The following TGM2 variants were observed in gnomAD, a reference collection of about 807,000 sequenced individuals.
TGM2 encodes protein-glutamine gamma-glutamyltransferase 2.
A neutral mutation model predicts 75.6 loss-of-function variants in TGM2; 53 were observed. The ratio of observed to expected loss-of-function variants is 0.70; its 90% CI spans 0.56 to 0.88. The LOEUF is 0.88. TGM2 is among the 40% of genes least tolerant of loss of function. The pLI, the probability that TGM2 is intolerant of heterozygous loss-of-function variation, is 0.00. For synonymous variants in TGM2, 374 were observed against 381.1 expected, an observed-to-expected ratio of 0.98 and a Z score of 0.22; for missense variants, 842 against 928.5, an observed-to-expected ratio of 0.91 and a Z score of 1.21.
At chr20:38,157,774 G>A (rs1295087960) in intron 2 of TGM2, among the ~76,000 whole-genome samples, 1 of 152,222 alleles carries the variant, frequency 6.6e-6, no homozygotes, top group Non-Finnish European at 1.5e-5. Context: ...TCTGTTTAGA[G>A]GGTTCCGTGA....
intron 7 of TGM2, 54 bp downstream of exon 7, chr20:38,142,010 T>C: frequency 6.2e-7 from 1 of 1,610,928 alleles, no homozygotes; most frequent in Non-Finnish European, 8.5e-7. Context: ...CAAGGTTTCC[T>C]CTCCATGGGG....
At position 38,129,613 on chromosome 20, in the gene TGM2, A is replaced by T. The variant is rs1354824795; in HGVS notation, c.*606T>A. 6.5e-6 allele frequency: 1 copy of T among 153,142 alleles called. No individual in the cohort carries two copies. The highest frequency in any genetic ancestry group is 1.5e-5 in the Non-Finnish European group (1 of 68,716). The allele number at this position is 153,142 out of a possible 1,614,324, so 9.5% of individuals were successfully genotyped here. The stretch of plus-strand genomic sequence containing the variant: ...ATGGGTTGGAGGCCCCGTGAGCCCC[A>T]GCAAGTGTGGGAGGCACCCAGCACA... On this transcript the variant is annotated 3_prime_UTR_variant, in exon 13 of 13. Transcript: ENST00000361475.
chr20:38,139,558 G>T lies in TGM2; in HGVS notation c.1196C>A (p.Ala399Asp). 6.2e-7 allele frequency: 1 copy of T among 1,614,184 alleles called. No individual in the cohort carries two copies. Among genetic ancestry groups the T allele is most frequent in the Non-Finnish European group, 8.5e-7 (1 of 1,180,032 alleles). ...CTGCTGGATCCAGTCTACCACGTCG[G>T]CATTGACCTCCGCAAAGACAAAGGG... ...DAPFVFAEVN[A>D]DVVDWIQQDD... Residue 399 changes from alanine (A) to aspartate (D), a missense_variant, in exon 9 of 13, where the codon GCC (alanine) becomes GAC (aspartate). Transcript: ENST00000361475.
Position 38,161,426 on chromosome 20 carries a change from C to G in TGM2, c.184G>C (p.Val62Leu). 6.2e-7 allele frequency: 1 copy of G among 1,614,014 alleles called. No individual in the cohort carries two copies. Among genetic ancestry groups the G allele is most frequent in the Non-Finnish European group, 8.5e-7 (1 of 1,179,952 alleles). The change falls in exon 2 of 13, where the codon GTG (valine) becomes CTG (leucine). Residue 62 changes from valine to leucine, a missense_variant. By Grantham distance (32) the Val-to-Leu change is conservative. Coordinates refer to ENST00000361475, the MANE Select transcript of TGM2 (RefSeq NM_004613.4). ...TGGGGTTGCAGGTACTCACCGGTCA[C>G]GACACTGAAGGTGAGACTGTCTACA... ...ASVDSLTFSV[V>L]TGPAPSQEAG...
intron 2 of TGM2, among the ~76,000 whole-genome samples, chr20:38,160,995 G>A (rs1374693288): frequency 6.6e-6 from 1 of 152,134 alleles, no homozygotes; most frequent in Non-Finnish European, 1.5e-5. Context: ...ACTACAGACA[G>A]GGTTTCTCCA....
In TGM2 at chr20:38,161,726, G is replaced by A. The variant is rs142851666; in HGVS notation, c.11-127C>T. The A allele has an allele frequency of 1.8e-3, 2,096 of 1,138,352 alleles. 15 individuals carry two copies. In the Middle Eastern group the frequency reaches 0.032, roughly 18 times the overall value. 70.5% of individuals were successfully genotyped at this position (1,138,352 alleles called of 1,614,324 possible). On this transcript the variant is annotated intron_variant, in intron 1 of 12. Coordinates refer to ENST00000361475, the MANE Select transcript of TGM2 (RefSeq NM_004613.4). ...CCCCACAAAGCACAGCCATTGTTTC[G>A]ACTGACCTGTCTCCCCAGCCCTGGT...
chr20:38,131,031 C>CT, intron 12 of TGM2, 62 bp downstream of exon 12: 3 of 1,604,144 alleles, frequency 1.9e-6, no homozygotes, highest in Non-Finnish European at 2.5e-6. Flanking sequence ...AGGACAGTCT[C>CT]TACCCCCACC....
intron 6 of TGM2, among the ~76,000 whole-genome samples, chr20:38,144,907 G>A (rs1366954910): frequency 6.6e-6 from 1 of 152,204 alleles, no homozygotes; most frequent in Non-Finnish European, 1.5e-5. Context: ...TGAGGGGCAG[G>A]ATCTGCTGCT....
At chr20:38,131,258 G>T (rs762513732) in intron 11 of TGM2, 29 bp from the exon 12 acceptor site, 12 of 1,612,938 alleles carry the variant, frequency 7.4e-6, no homozygotes, top group Non-Finnish European at 1.0e-5. Context: ...CAGATGTCAA[G>T]GGCAGGTGGG....
chr20:38,164,722 G>T (rs751948945), intron 1 of TGM2, among the ~76,000 whole-genome samples: 15 of 152,182 alleles, frequency 9.9e-5, no homozygotes, highest in Non-Finnish European at 1.5e-4. Flanking sequence ...TGGATAGGAT[G>T]CCGAAAGCTC....
intron 4 of TGM2, among the ~76,000 whole-genome samples, chr20:38,149,260 C>A (rs2075084596): frequency 6.6e-6 from 1 of 152,154 alleles, no homozygotes; most frequent in South Asian, 2.1e-4. Flanking sequence ...TCAAGAAGTA[C>A]CCCCTGATCC....
chr20:38,164,268 C>T (rs1248506718), intron 1 of TGM2, among the ~76,000 whole-genome samples: 3 of 152,220 alleles, frequency 2.0e-5, no homozygotes, highest in Admixed American at 6.5e-5. Flanking sequence ...CCTGCTCCAC[C>T]TGCCCCATGT....
chr20:38,136,507 C>G (rs1319546129), intron 10 of TGM2, among the ~76,000 whole-genome samples: 1 of 152,192 alleles, frequency 6.6e-6, no homozygotes, highest in Non-Finnish European at 1.5e-5. Flanking sequence ...CTCTTACCCC[C>G]GATGGTCCTG....
At position 38,129,944 on chromosome 20, in the gene TGM2, G is replaced by A. The variant is rs1186970336; in HGVS notation, c.*275C>T. ...CATCTGGGCAGGAGAGGGAATGTAG[G>A]TCTTTCCTCTCTCACCCCAGCCCCA... On this transcript the variant is annotated 3_prime_UTR_variant, in exon 13 of 13. Transcript: ENST00000361475. 2.3e-5 allele frequency: 12 copies of A among 522,182 alleles called. No individual in the cohort carries two copies. The highest frequency in any genetic ancestry group is 3.8e-5 in the Non-Finnish European group (11 of 289,634). The allele number at this position is 522,182 out of a possible 1,614,324, so 32.3% of individuals were successfully genotyped here.
At chr20:38,154,471 G>A (rs991220026) in intron 3 of TGM2, among the ~76,000 whole-genome samples, 3 of 152,148 alleles carry the variant, frequency 2.0e-5, no homozygotes, top group Non-Finnish European at 4.4e-5. Flanking sequence ...CGAGGCCTGG[G>A]GAGGTGACTG....
In TGM2 at chr20:38,140,904, CAT is replaced by C. The variant is rs994266134; in HGVS notation, c.1099+376_1099+377del. ...CTCTCTTTCAAACACACAGGTACTA[CAT>C]ATATATATGTGTGTTTATATACATA... is the stretch of plus-strand genomic sequence containing the variant. On this transcript the variant is annotated intron_variant, in intron 8 of 12. Coordinates refer to ENST00000361475, the MANE Select transcript of TGM2 (RefSeq NM_004613.4). Among the ~76,000 whole-genome samples the C allele has an allele frequency of 5.3e-5, 8 of 152,130 alleles. 1 individual carries two copies. Among genetic ancestry groups the C allele is most frequent in the African/African-American group, 1.9e-4 (8 of 41,494 alleles).
rs45442104 is a variant in TGM2 at position 38,147,600 on chromosome 20, G to A, written c.681+361C>T. 4.0e-3 allele frequency among the ~76,000 whole-genome samples: 608 copies of A among 152,046 alleles called. 1 individual carries two copies. The highest frequency in any genetic ancestry group is 5.9e-3 in the Non-Finnish European group (402 of 68,012). On this transcript the variant is annotated intron_variant, in intron 5 of 12. Transcript: ENST00000361475. ...TATGAACCATGTGAACTGCCTGCTCGTTCATATGGTAGTTTGGTTAGTGTC... is the reference window on the plus strand; with the variant it reads ...TATGAACCATGTGAACTGCCTGCTCATTCATATGGTAGTTTGGTTAGTGTC...
At position 38,148,201 on chromosome 20, in the gene TGM2, T is replaced by G. The variant is rs45445300; in HGVS notation, c.553-112A>C. 8.7e-4 allele frequency: 1,247 copies of G among 1,429,136 alleles called. 8 individuals are homozygous for G. In the African/African-American group the frequency reaches 0.015, roughly 17 times the overall value. The allele number at this position is 1,429,136 out of a possible 1,614,324, so 88.5% of individuals were successfully genotyped here. A position where few individuals can be genotyped will look rare whatever the true frequency, so the allele number is the denominator to read the frequency against. On this transcript the variant is annotated intron_variant, in intron 4 of 12. Coordinates refer to ENST00000361475, the MANE Select transcript of TGM2 (RefSeq NM_004613.4). ...TCCCACTCTGTCCCACACAGCAGAC[T>G]GGGACACTCCGGCCGAGTCTACCAA... is the stretch of plus-strand genomic sequence containing the variant.
intron 9 of TGM2, among the ~76,000 whole-genome samples, chr20:38,139,177 A>G (rs2074937517): frequency 6.6e-6 from 1 of 152,156 alleles, no homozygotes; most frequent in Non-Finnish European, 1.5e-5. Context: ...CCTGCAACTG[A>G]TTTAACATCA....
Sources: gnomAD v4.1 joint callset for allele counts (sites outside exome capture counted in the v4.1 genomes callset) on GRCh38, gnomAD v4.1.1 for gene constraint, MANE v1.5 for transcripts, NCBI Gene and HGNC (gene_info 2026-07-23, HGNC 2026-07-21) for gene names.